The following UBR4 variants were observed in gnomAD, a reference collection of about 807,000 sequenced individuals.
UBR4 encodes the protein ubiquitin protein ligase E3 component n-recognin 4.
A neutral mutation model predicts 575.6 loss-of-function variants in UBR4; 124 were observed. The observed-to-expected ratio is 0.22, with a 90% CI of 0.19 to 0.25. The LOEUF (loss-of-function observed/expected upper bound fraction) is 0.25, where lower values mean the gene tolerates loss of function less well. Among genes scored for constraint, UBR4 ranks in the 10% least tolerant of loss-of-function variants. The probability of loss-of-function intolerance (pLI) is 1.00; values close to 1 mark genes in which losing one functional copy is unlikely to be tolerated. For synonymous variants in UBR4, 2,455 were observed against 2,473.7 expected (o/e 0.99, Z 0.22); for missense variants, 4,818 against 6,478.8 (o/e 0.74, Z 8.80).
At position 19,151,812 on chromosome 1, in the gene UBR4, C is replaced by A. The variant is rs754948213; in HGVS notation, c.7044G>T (p.Val2348=). ...IEISNNNSTM[V]MTGMRIQIGT... is the part of the protein sequence containing the mutation. ...CAATCTGGATCCGCATGCCTGTCAT[C>A]ACCATAGTGCTATTGTTGTTACTAA... The change falls in exon 48 of 106, where the codon GTG becomes GTT. Residue 2348 remains valine, a synonymous_variant. Transcript: ENST00000375254. 6.2e-7 allele frequency: 1 copy of A among 1,613,584 alleles called. No individual in the cohort carries two copies. The highest frequency in any genetic ancestry group is 8.5e-7 in the Non-Finnish European group (1 of 1,179,774).
At chr1:19,131,243 TAAAAAAA>T (rs869155620) in intron 60 of UBR4, among the ~76,000 whole-genome samples, 5 of 102,948 alleles carry the variant, frequency 4.9e-5, no homozygotes, top group Non-Finnish European at 7.5e-5. Context: ...TCTTGAAACT[TAAAAAAA>T]AAAAAAAAAA....
At position 19,081,371 on chromosome 1, in the gene UBR4, C is replaced by T. The variant is rs372658297; in HGVS notation, c.15211G>A (p.Val5071Met). Residue 5071 changes from valine to methionine, a missense_variant, in exon 103 of 106, where the codon GTG (valine) becomes ATG (methionine). Transcript: ENST00000375254. Reference sequence around the variant, plus strand: ...GACCTGGTGGCTCCACCTGGAGCCACTGCCCGAGCCTGCGAGGTCACCAAC... The same window carrying T: ...GACCTGGTGGCTCCACCTGGAGCCATTGCCCGAGCCTGCGAGGTCACCAAC... ...RLLVTSQARA[V>M]APGGATRLTD... The T allele has an allele frequency of 4.4e-6, 7 of 1,606,118 alleles. No individual in the cohort carries two copies. Among genetic ancestry groups the T allele is most frequent in the African/African-American group, 1.3e-5 (1 of 74,508 alleles).
chr1:19,112,962 C>T (rs956392296), intron 77 of UBR4, 95 bp from the exon 78 acceptor site: 7 of 1,282,428 alleles, frequency 5.5e-6, no homozygotes, highest in Non-Finnish European at 6.4e-6. Flanking sequence ...AAAAACTTTA[C>T]ATGCATTATA....
At position 19,179,095 on chromosome 1, in the gene UBR4, A is replaced by C; in HGVS notation, c.2310T>G (p.Ala770=). 1.2e-6 allele frequency: 2 copies of C among 1,614,042 alleles called. No homozygotes were observed. Among genetic ancestry groups the C allele is most frequent in the South Asian group, 2.2e-5 (2 of 91,054 alleles). ...ATTCTGGGACGTCAGGGTCACCTTGAGCACTGGCTTTATGTTGCCAGATGA... is the reference window on the plus strand; with the variant it reads ...ATTCTGGGACGTCAGGGTCACCTTGCGCACTGGCTTTATGTTGCCAGATGA... ...LLLIWQHKAS[A]QGDPDVPECL... is the part of the protein sequence containing the mutation. Residue 770 remains alanine (A), a synonymous_variant, in exon 18 of 106, where the codon GCT becomes GCG. Coordinates refer to ENST00000375254, the MANE Select transcript of UBR4 (RefSeq NM_020765.3).
rs956923823 is a variant in UBR4 at position 19,139,544 on chromosome 1, G to T, written c.8594-324C>A. Among the ~76,000 whole-genome samples the T allele has an allele frequency of 6.6e-6, 1 of 152,208 alleles. No individual in the cohort carries two copies. Among genetic ancestry groups the T allele is most frequent in the Non-Finnish European group, 1.5e-5 (1 of 68,042 alleles). On this transcript the variant is annotated intron_variant, in intron 58 of 105. Coordinates refer to ENST00000375254, the MANE Select transcript of UBR4 (RefSeq NM_020765.3). This position sits in a 1 kb window ranked among gnomAD's most constrained non-coding sequence, Gnocchi z 4.2. The stretch of plus-strand genomic sequence containing the variant: ...GTGCAGAGATTCAGTAAGAATCTGT[G>T]ACATGGACGCTGAGTTTTCTAGCTA...
chr1:19,085,861 A>G (rs1035783468), intron 101 of UBR4, among the ~76,000 whole-genome samples: 5 of 152,320 alleles, frequency 3.3e-5, no homozygotes, highest in Admixed American at 3.3e-4. Context: ...TCATAAGATC[A>G]GCAAAGGAAT....
At chr1:19,077,755 AC>A in intron 104 of UBR4, 2 of 1,463,200 alleles carry the variant, frequency 1.4e-6, no homozygotes, top group Non-Finnish European at 1.8e-6. Flanking sequence ...ACCAAACCAA[AC>A]CAAACAAAAC....
rs140839750 is a variant in UBR4, at chr1:19,151,743, G to A, written c.7113C>T (p.Phe2371=). The change falls in exon 48 of 106, where the codon TTC becomes TTT. Residue 2371 remains phenylalanine (F), a synonymous_variant. Transcript: ENST00000375254. ...TCAGGTTGAGCTGCATAGTTCTGCCGAAGATCTCGATATATGACGGGGCCC... is the reference window on the plus strand; with the variant it reads ...TCAGGTTGAGCTGCATAGTTCTGCCAAAGATCTCGATATATGACGGGGCCC... ...IERAPSYIEI[F]GRTMQLNLSR... 698 of 1,614,162 alleles carry A rather than the reference G, an allele frequency of 4.3e-4. No individual in the cohort carries two copies. The highest frequency in any genetic ancestry group is 5.7e-4 in the Non-Finnish European group (673 of 1,180,014).
rs1258106542 is a variant in UBR4 at position 19,117,548 on chromosome 1, G to A, written c.10630-134C>T. The A allele has an allele frequency of 3.6e-6, 4 of 1,098,826 alleles. No individual in the cohort carries two copies. The Admixed American group carries it at 1.1e-4, about 29-fold the overall frequency. 68.1% of individuals were successfully genotyped at this position (1,098,826 alleles called of 1,614,324 possible). A position where few individuals can be genotyped will look rare whatever the true frequency, so the allele number is the denominator to read the frequency against. ...AATTTTTTAAAAAATATTTTGTAGA[G>A]ATGGGGTCTCACCATCTTGCCCAGG... On this transcript the variant is annotated intron_variant, in intron 72 of 105. Transcript: ENST00000375254. This position sits in a 1 kb window ranked among gnomAD's most constrained non-coding sequence, Gnocchi z 4.0.
At chr1:19,145,667 C>A (rs1282845395) in intron 53 of UBR4, 126 bp downstream of exon 53, 3 of 1,251,002 alleles carry the variant, frequency 2.4e-6, no homozygotes, top group African/African-American at 3.0e-5. Context: ...TTCTACTTCC[C>A]AATTATGAGT....
In UBR4 at chr1:19,153,787, G is replaced by C. The variant is rs138519124; in HGVS notation, c.6611C>G (p.Thr2204Ser). The change falls in exon 45 of 106, where the codon ACT (threonine) becomes AGT (serine). Residue 2204 changes from threonine (T) to serine (S), a missense_variant. Physicochemically the swap from Thr to Ser is moderately conservative, Grantham distance 58. Coordinates refer to ENST00000375254, the MANE Select transcript of UBR4 (RefSeq NM_020765.3). The surrounding 1 kb of genome is among the most constrained non-coding windows in gnomAD (Gnocchi z 4.1). ...PDTFLIQEIKTLPAKAKIQDM... is the reference protein window; with the variant it reads ...PDTFLIQEIKSLPAKAKIQDM... ...ACTGACCTTCGCTTTAGCAGGAAGA[G>C]TCTTAATCTCCTGGATAAGAAAAGT... The C allele has an allele frequency of 2.1e-4, 335 of 1,614,186 alleles. No homozygotes were observed. The highest frequency in any genetic ancestry group is 1.7e-5 in the Non-Finnish European group (20 of 1,180,006).
At chr1:19,118,219 A>G (rs1299861434) in intron 71 of UBR4, 2 of 265,068 alleles carry the variant, frequency 7.5e-6, no homozygotes, top group Non-Finnish European at 1.4e-5. Context: ...TGAACTGTAC[A>G]TTTAAAATAG....
chr1:19,096,419 G>T (rs1193874347), intron 92 of UBR4, 104 bp downstream of exon 92: 9 of 1,512,464 alleles, frequency 6.0e-6, no homozygotes, highest in Non-Finnish European at 8.0e-6. Context: ...ACGGCACCAT[G>T]CTGCCCTCTA....
chr1:19,173,653 A>G, intron 22 of UBR4, 32 bp from the exon 23 acceptor site: 1 of 1,607,168 alleles, frequency 6.2e-7, no homozygotes, highest in Non-Finnish European at 8.5e-7. Flanking sequence ...TAGAGGTAGC[A>G]CTTGGTATGG....
At chr1:19,143,636 T>C (rs2084415111) in intron 55 of UBR4, among the ~76,000 whole-genome samples, 1 of 152,234 alleles carries the variant, frequency 6.6e-6, no homozygotes, top group Non-Finnish European at 1.5e-5. Context: ...TTGGTCACTG[T>C]GATTTTATTT....
chr1:19,162,044 G>C (rs2087462242), intron 35 of UBR4, 147 bp from the exon 36 acceptor site: 1 of 942,202 alleles, frequency 1.1e-6, no homozygotes, highest in African/African-American at 1.7e-5. Flanking sequence ...GAAATAGCTA[G>C]CTGGCTGAAA....
Position 19,110,062 on chromosome 1 carries a change from C to T in UBR4, c.12105+34G>A, listed in dbSNP as rs1471987662. On this transcript the variant is annotated intron_variant, in intron 81 of 105. Transcript: ENST00000375254. This position sits in a 1 kb window ranked among gnomAD's most constrained non-coding sequence, Gnocchi z 4.5. ...GGGAATGAGGAGGGTGGCCGCCCTG[C>T]CCTTCCTTGTTAGACCCCTGCTTGG... The T allele has an allele frequency of 8.7e-6, 14 of 1,612,656 alleles. No homozygotes were observed. Among genetic ancestry groups the T allele is most frequent in the Non-Finnish European group, 1.2e-5 (14 of 1,179,650 alleles).
chr1:19,194,732 G>A (rs538493702), intron 8 of UBR4, among the ~76,000 whole-genome samples: 1 of 152,252 alleles, frequency 6.6e-6, no homozygotes, highest in Admixed American at 6.5e-5. Flanking sequence ...AACCTGGGGG[G>A]CAGAGGTTAC....
At chr1:19,190,312 A>AAAAAAAAATATATATAT in intron 11 of UBR4, among the ~76,000 whole-genome samples, 1,261 of 79,082 alleles carry the variant, frequency 0.016, 29 homozygotes, top group East Asian at 0.054. Context: ...AAAAAAAAAA[A>AAAAAAAAATATATATAT]ATATATATAT....
Sources: gnomAD v4.1 joint callset for allele counts (sites outside exome capture counted in the v4.1 genomes callset) on GRCh38, gnomAD v4.1.1 for gene constraint, Gnocchi (gnomAD v3.1) non-coding constraint, MANE v1.5 for transcripts, NCBI Gene and HGNC (gene_info 2026-07-23, HGNC 2026-07-21) for gene names.